Variants in ST6GALNAC3 observed in about 807,000 individuals in gnomAD.
ST6GALNAC3 encodes the protein alpha-N-acetylgalactosaminide alpha-2,6-sialyltransferase 3.
Under a neutral mutation model 32.7 loss-of-function variants are expected in ST6GALNAC3, and 25 were observed. The observed-to-expected ratio is 0.76, with a 90% CI of 0.56 to 1.07. ST6GALNAC3 has a LOEUF of 1.07. Ranked by LOEUF, ST6GALNAC3 falls within the 50% of genes least tolerant of loss-of-function variation. ST6GALNAC3 has a pLI of 0.00. For missense variants in ST6GALNAC3, 355 were observed against 382.4 expected, an observed-to-expected ratio of 0.93 and a Z score of 0.60; for synonymous variants, 129 against 133.1, an observed-to-expected ratio of 0.97 and a Z score of 0.21.
chr1:76,191,692 G>A (rs1653905606), intron 1 of ST6GALNAC3, among the ~76,000 whole-genome samples: 1 of 152,106 alleles, frequency 6.6e-6, no homozygotes, highest in African/African-American at 2.4e-5. Flanking sequence ...AGAAGTTGAA[G>A]AGAAAGAAGA....
intron 2 of ST6GALNAC3, among the ~76,000 whole-genome samples, chr1:76,388,049 G>T: frequency 6.6e-6 from 1 of 152,072 alleles, no homozygotes; most frequent in East Asian, 1.9e-4. Flanking sequence ...GGGGAGATTT[G>T]CTCTGCTTCT....
chr1:76,611,332 G>A (rs1300543708), intron 3 of ST6GALNAC3, among the ~76,000 whole-genome samples: 2 of 152,014 alleles, frequency 1.3e-5, no homozygotes, highest in Non-Finnish European at 2.9e-5. Context: ...TGGGTAGCTT[G>A]CACCTCCATC....
Position 76,574,365 on chromosome 1 carries a change from A to G in ST6GALNAC3, c.624-53087A>G, listed in dbSNP as rs192056161. ...GTAGAATTTATCACCACTTAAGTAG[A>G]ATCTATTAGGACCGTAGAATCTCAG... On this transcript the variant is annotated intron_variant, in intron 3 of 4. Transcript: ENST00000328299. 4.4e-4 allele frequency among the ~76,000 whole-genome samples: 67 copies of G among 152,152 alleles called. No homozygotes were observed. The Middle Eastern group carries it at 0.01, about 23-fold the overall frequency.
chr1:76,468,094 T>C (rs1658764666), intron 3 of ST6GALNAC3, among the ~76,000 whole-genome samples: 1 of 151,920 alleles, frequency 6.6e-6, no homozygotes, highest in Admixed American at 6.6e-5. Flanking sequence ...TTCTTCCTTC[T>C]CTCCTTCTTT....
intron 1 of ST6GALNAC3, among the ~76,000 whole-genome samples, chr1:76,271,997 G>A (rs1658870055): frequency 6.6e-6 from 1 of 152,054 alleles, no homozygotes; most frequent in South Asian, 2.1e-4. Context: ...CATGACAATA[G>A]AGGCTCTTAG....
intron 1 of ST6GALNAC3, among the ~76,000 whole-genome samples, chr1:76,129,639 G>A (rs1649483018): frequency 6.6e-6 from 1 of 152,180 alleles, no homozygotes; most frequent in Non-Finnish European, 1.5e-5. Context: ...CCATGGGATT[G>A]TGTCCATTGT....
intron 1 of ST6GALNAC3, among the ~76,000 whole-genome samples, chr1:76,181,563 A>G (rs1222026481): frequency 6.6e-6 from 1 of 152,222 alleles, no homozygotes; most frequent in Non-Finnish European, 1.5e-5. Context: ...ACTTATATTT[A>G]ATCAACATGC....
At chr1:76,212,964 A>G (rs1281861974) in intron 1 of ST6GALNAC3, among the ~76,000 whole-genome samples, 1 of 152,206 alleles carries the variant, frequency 6.6e-6, no homozygotes, top group African/African-American at 2.4e-5. Flanking sequence ...TGCTGGAAAC[A>G]TTTGGTAAAT....
intron 1 of ST6GALNAC3, among the ~76,000 whole-genome samples, chr1:76,141,680 A>G (rs1267863603): frequency 2.0e-5 from 3 of 152,246 alleles, no homozygotes; most frequent in African/African-American, 7.2e-5. Context: ...GATTTATAAC[A>G]AAGTTTTTGG....
intron 3 of ST6GALNAC3, among the ~76,000 whole-genome samples, chr1:76,546,054 G>C (rs1664281825): frequency 6.6e-6 from 1 of 152,158 alleles, no homozygotes; most frequent in South Asian, 2.1e-4. Context: ...GTAATTATAT[G>C]AAAAGTACAG....
intron 1 of ST6GALNAC3, among the ~76,000 whole-genome samples, chr1:76,202,794 T>C (rs1654608360): frequency 6.6e-6 from 1 of 152,220 alleles, no homozygotes; most frequent in South Asian, 2.1e-4. Flanking sequence ...GTATTTTCAA[T>C]GTACTGATTT....
intron 3 of ST6GALNAC3, chr1:76,577,277 G>A (rs1646826602): frequency 1.0e-6 from 1 of 990,330 alleles, no homozygotes; most frequent in African/African-American, 1.7e-5. Flanking sequence ...ATTTCTCCAA[G>A]GGAATTGTTT....
At chr1:76,082,307 T>C (rs1646907377) in intron 1 of ST6GALNAC3, among the ~76,000 whole-genome samples, 2 of 152,202 alleles carry the variant, frequency 1.3e-5, no homozygotes, top group African/African-American at 4.8e-5. Context: ...AGTTAGCTCC[T>C]GGTTATTAAA....
chr1:76,183,931 T>C (rs946794540), intron 1 of ST6GALNAC3, among the ~76,000 whole-genome samples: 1 of 149,308 alleles, frequency 6.7e-6, no homozygotes, highest in Non-Finnish European at 1.5e-5. Flanking sequence ...TTATTATATA[T>C]ATACATATAC....
chr1:76,343,396 G>T (rs1249875916), intron 2 of ST6GALNAC3, among the ~76,000 whole-genome samples: 8 of 152,170 alleles, frequency 5.3e-5, no homozygotes, highest in Admixed American at 5.2e-4. Context: ...AAGAGGAAAA[G>T]AAAGGAAGGC....
chr1:76,110,057 G>A (rs972246422), intron 1 of ST6GALNAC3, among the ~76,000 whole-genome samples: 3 of 152,228 alleles, frequency 2.0e-5, no homozygotes, highest in Non-Finnish European at 4.4e-5. Context: ...TTGGATATCT[G>A]GATGGAAACC....
intron 2 of ST6GALNAC3, among the ~76,000 whole-genome samples, chr1:76,391,321 T>A (rs1356148461): frequency 1.3e-5 from 2 of 152,186 alleles, no homozygotes; most frequent in East Asian, 3.8e-4. Context: ...CTGAGGCAGT[T>A]CCTGTGTGTG....
intron 3 of ST6GALNAC3, among the ~76,000 whole-genome samples, chr1:76,529,051 G>T (rs1318248688): frequency 6.6e-6 from 1 of 151,920 alleles, no homozygotes; most frequent in East Asian, 1.9e-4. Context: ...AGTGATCTGT[G>T]TGCAGGCATC....
At chr1:76,351,874 A>G (rs1186234440) in intron 2 of ST6GALNAC3, among the ~76,000 whole-genome samples, 1 of 152,178 alleles carries the variant, frequency 6.6e-6, no homozygotes, top group Non-Finnish European at 1.5e-5. Context: ...ACAATGCATA[A>G]TTATAATTAC....
Sources: allele counts gnomAD v4.1 joint callset (sites outside exome capture counted in the v4.1 genomes callset), GRCh38; gene constraint gnomAD v4.1.1; transcripts MANE v1.5; gene names NCBI Gene and HGNC (gene_info 2026-07-23, HGNC 2026-07-21).